The following ADCY4 variants were observed in gnomAD, a reference collection of about 807,000 sequenced individuals.
ADCY4 encodes adenylate cyclase 4, also known as adenylate cyclase type 4.
A neutral mutation model predicts 125.5 loss-of-function variants in ADCY4; 111 were observed. That is an observed-to-expected ratio of 0.88 (90% CI 0.76 to 1.04). The LOEUF (loss-of-function observed/expected upper bound fraction) is 1.04. ADCY4 is among the 50% of genes least tolerant of loss of function. ADCY4 has a pLI of 0.00. For synonymous variants in ADCY4, 576 were observed against 586.9 expected (o/e 0.98, Z 0.27); for missense variants, 1,256 against 1,382.9 (o/e 0.91, Z 1.46).
At chr14:24,321,851 A>G in intron 20 of ADCY4, 1 of 1,320,210 alleles carries the variant, frequency 7.6e-7, no homozygotes, top group South Asian at 2.3e-5. Context: ...CATGAGTTAG[A>G]GAAGACATGC....
At chr14:24,329,293 C>T in intron 9 of ADCY4, 59 bp from the exon 10 acceptor site, 1 of 1,591,772 alleles carries the variant, frequency 6.3e-7, no homozygotes, top group Non-Finnish European at 8.6e-7. Context: ...CTCCCTCCAC[C>T]CCCCACTAGG....
intron 20 of ADCY4, among the ~76,000 whole-genome samples, chr14:24,320,136 G>C (rs563195782): frequency 6.6e-6 from 1 of 152,314 alleles, no homozygotes; most frequent in South Asian, 2.1e-4. Flanking sequence ...AACACGAAGG[G>C]AGTCACTCCT....
intron 7 of ADCY4, 58 bp from the exon 8 acceptor site, chr14:24,330,076 A>C: frequency 6.3e-7 from 1 of 1,597,862 alleles, no homozygotes; most frequent in South Asian, 1.1e-5. Flanking sequence ...CCTGTGAGAC[A>C]CCCCAGATTC....
Position 24,330,193 on chromosome 14 carries a change from C to T in ADCY4, c.1033G>A (p.Gly345Ser). Residue 345 changes from glycine to serine, a missense_variant, in exon 7 of 25, where the codon GGC becomes AGC. Coordinates refer to ENST00000418030, the MANE Select transcript of ADCY4 (RefSeq NM_001198568.2). ...PDHAINCVRM[G>S]LDMCRAIRKL... ...CTGATGGCCCGGCACATGTCCAGGCCCATGCGCACGCAGTTGATGGCATGG... is the reference window on the plus strand; with the variant it reads ...CTGATGGCCCGGCACATGTCCAGGCTCATGCGCACGCAGTTGATGGCATGG... 6.2e-7 allele frequency: 1 copy of T among 1,614,132 alleles called. No individual in the cohort carries two copies. Among genetic ancestry groups the T allele is most frequent in the Non-Finnish European group, 8.5e-7 (1 of 1,180,032 alleles).
rs1390184536 is a variant in ADCY4, at chr14:24,329,206, G to T, written c.1379C>A (p.Ala460Glu). The change falls in exon 10 of 25, where the codon GCA becomes GAA. Residue 460 changes from alanine (A) to glutamate (E), a missense_variant. Physicochemically the swap from Ala to Glu is moderately radical, Grantham distance 107. Transcript: ENST00000418030. ...CTCAAGCGAGGACAGCAAGCCTCCT[G>T]CAGTGCCCTTCTCATCCTCCTCCTC... ...RAEEEDEKGT[A>E]GGLLSSLEGL... 6.2e-7 allele frequency: 1 copy of T among 1,613,816 alleles called. No homozygotes were observed. The highest frequency in any genetic ancestry group is 1.7e-5 in the Admixed American group (1 of 59,986).
At chr14:24,326,970 C>A (rs1409383741) in intron 10 of ADCY4, among the ~76,000 whole-genome samples, 1 of 141,312 alleles carries the variant, frequency 7.1e-6, no homozygotes, top group African/African-American at 2.7e-5. Context: ...AATCTCAGCT[C>A]ACTGCAACCT....
rs375047247 is a variant in ADCY4, at chr14:24,319,453, G to T, written c.2734-17C>A. ...GGAGAGCAGCTGTATATAGAGAAGA[G>T]TCCTGTCCCCAGTCTCTCTTACTCT... is the stretch of plus-strand genomic sequence containing the variant. On this transcript the variant is annotated splice_polypyrimidine_tract_variant and intron_variant, in intron 21 of 24. Coordinates refer to ENST00000418030, the MANE Select transcript of ADCY4 (RefSeq NM_001198568.2). This position sits in a 1 kb window ranked among gnomAD's most constrained non-coding sequence, Gnocchi z 4.5. 1.9e-6 allele frequency: 3 copies of T among 1,611,282 alleles called. No homozygotes were observed. The highest frequency in any genetic ancestry group is 2.5e-6 in the Non-Finnish European group (3 of 1,177,464).
At chr14:24,332,456 T>C (rs2139226269) in intron 3 of ADCY4, 66 bp downstream of exon 3, 1 of 1,509,610 alleles carries the variant, frequency 6.6e-7, no homozygotes, top group Non-Finnish European at 8.9e-7. Flanking sequence ...AACAACCCCC[T>C]AAAAGGAGCC....
At chr14:24,321,767 C>T (rs540681569) in intron 20 of ADCY4, 24 of 1,090,902 alleles carry the variant, frequency 2.2e-5, no homozygotes, top group African/African-American at 1.3e-4. Flanking sequence ...TATCAGTCTG[C>T]GGCCTGGGGG....
At chr14:24,327,840 G>A (rs2041972786) in intron 10 of ADCY4, among the ~76,000 whole-genome samples, 1 of 152,150 alleles carries the variant, frequency 6.6e-6, no homozygotes, top group Non-Finnish European at 1.5e-5. Flanking sequence ...AAGAGACAGA[G>A]GACACGAGCA....
Position 24,332,546 on chromosome 14 carries a change from G to T in ADCY4, c.495C>A (p.Asp165Glu). ...CCTGCGGCAGCAGTGCAGGCCGTGAGTCCGGCTGTGGCCCAAGATACAGCC... is the reference window on the plus strand; with the variant it reads ...CCTGCGGCAGCAGTGCAGGCCGTGATTCCGGCTGTGGCCCAAGATACAGCC... ...VLGLYLGPQP[D>E]SRPALLPQLA... The change falls in exon 3 of 25, where the codon GAC becomes GAA. Residue 165 changes from aspartate to glutamate, a missense_variant. Coordinates refer to ENST00000418030, the MANE Select transcript of ADCY4 (RefSeq NM_001198568.2). The T allele has an allele frequency of 6.4e-7, 1 of 1,571,986 alleles. No individual in the cohort carries two copies. The highest frequency in any genetic ancestry group is 8.6e-7 in the Non-Finnish European group (1 of 1,158,744).
At chr14:24,324,254 C>T in intron 15 of ADCY4, 53 bp downstream of exon 15, 2 of 1,614,138 alleles carry the variant, frequency 1.2e-6, no homozygotes, top group South Asian at 1.1e-5. Context: ...CTCTTCAGGA[C>T]AGGTTGTGAC....
Position 24,331,019 on chromosome 14 carries a change from T to G in ADCY4, c.929A>C (p.Lys310Thr). The G allele has an allele frequency of 6.2e-7, 1 of 1,601,230 alleles. No homozygotes were observed. Among genetic ancestry groups the G allele is most frequent in the Non-Finnish European group, 8.5e-7 (1 of 1,170,870 alleles). ...ELFGKFDQIA[K>T]EHECMRIKIL... ...GTGGGGAGGGAAGTCTTCTCTGACC[T>G]TGGCAATCTGGTCGAACTTGCCAAA... The change falls in exon 6 of 25, where the codon AAG becomes ACG. Residue 310 changes from lysine to threonine, a missense_variant and splice_region_variant. Physicochemically the swap from Lys to Thr is moderately conservative, Grantham distance 78 (BLOSUM62 -1). Transcript: ENST00000418030.
At chr14:24,325,936 C>G (rs925091371) in intron 12 of ADCY4, 49 bp from the exon 13 acceptor site, 2 of 1,578,368 alleles carry the variant, frequency 1.3e-6, no homozygotes, top group Non-Finnish European at 1.7e-6. Context: ...ACAGAGGGCA[C>G]AGAAGGGCAG....
intron 10 of ADCY4, among the ~76,000 whole-genome samples, chr14:24,327,112 G>T (rs1440668167): frequency 6.6e-6 from 1 of 151,952 alleles, no homozygotes; most frequent in Non-Finnish European, 1.5e-5. Flanking sequence ...GGCCGGGCTG[G>T]TCTCAAACTA....
At chr14:24,330,777 G>A in intron 6 of ADCY4, 1 of 508,686 alleles carries the variant, frequency 2.0e-6, no homozygotes, top group Non-Finnish European at 3.5e-6. Flanking sequence ...AGCATGTTTG[G>A]GGCATTGTAC....
At chr14:24,325,334 C>G (rs373477958) in intron 14 of ADCY4, 43 bp downstream of exon 14, 1 of 1,560,406 alleles carries the variant, frequency 6.4e-7, no homozygotes, top group African/African-American at 1.4e-5. Context: ...CAAGGTGATC[C>G]GCTTATGACA....
chr14:24,326,059 G>A lies in ADCY4; in HGVS notation c.1655+20C>T. Reference sequence around the variant, plus strand: ...GACCTCAGGGCCTGCGGCCCCCCCAGCCCTCTTTGTTCTCCGTACTTCTGC... The same window carrying A: ...GACCTCAGGGCCTGCGGCCCCCCCAACCCTCTTTGTTCTCCGTACTTCTGC... On this transcript the variant is annotated intron_variant, in intron 12 of 24. Coordinates refer to ENST00000418030, the MANE Select transcript of ADCY4 (RefSeq NM_001198568.2). The A allele has an allele frequency of 1.3e-6, 2 of 1,569,354 alleles. No individual in the cohort carries two copies. The highest frequency in any genetic ancestry group is 1.7e-6 in the Non-Finnish European group (2 of 1,155,582).
Position 24,326,109 on chromosome 14 carries a change from A to G in ADCY4, c.1625T>C (p.Phe542Ser). ...CGAGTTGAGCTGCTCAATGACCTGG[A>G]AGAACTTGGCATCCCCGGTGTCCAG... ...DELDTGDAKF[F>S]QVIEQLNSQK... The change falls in exon 12 of 25, where the codon TTC (phenylalanine) becomes TCC (serine). Residue 542 changes from phenylalanine to serine, a missense_variant. Coordinates refer to ENST00000418030, the MANE Select transcript of ADCY4 (RefSeq NM_001198568.2). The G allele has an allele frequency of 6.3e-7, 1 of 1,587,178 alleles. No homozygotes were observed. The highest frequency in any genetic ancestry group is 8.6e-7 in the Non-Finnish European group (1 of 1,164,456).
Sources: gnomAD v4.1 joint callset for allele counts (sites outside exome capture counted in the v4.1 genomes callset) on GRCh38, gnomAD v4.1.1 for gene constraint, Gnocchi (gnomAD v3.1) non-coding constraint, MANE v1.5 for transcripts, NCBI Gene and HGNC (gene_info 2026-07-23, HGNC 2026-07-21) for gene names.